Variants in PLGRKT observed in about 807,000 individuals in gnomAD.
PLGRKT encodes the protein plasminogen receptor with a C-terminal lysine.
PLGRKT carries 22 observed loss-of-function variants against 18.5 expected under a neutral mutation model. The ratio of observed to expected loss-of-function variants is 1.19; its 90% CI spans 0.85 to 1.70. PLGRKT has a LOEUF of 1.70. PLGRKT is among the 40% of genes most tolerant of loss of function. PLGRKT has a pLI of 0.00. For synonymous variants in PLGRKT, 72 were observed against 52.8 expected (o/e 1.36, Z -1.58); for missense variants, 235 against 174.4 (o/e 1.35, Z -1.96).
At chr9:5,392,809 T>C (rs913148429) in intron 3 of PLGRKT, among the ~76,000 whole-genome samples, 2 of 151,652 alleles carry the variant, frequency 1.3e-5, no homozygotes, top group African/African-American at 4.9e-5. Context: ...AATTTCCGGA[T>C]TGATTTTTAT....
chr9:5,431,328 G>A (rs1334700898), intron 3 of PLGRKT, among the ~76,000 whole-genome samples: 1 of 152,128 alleles, frequency 6.6e-6, no homozygotes, highest in African/African-American at 2.4e-5. Flanking sequence ...GAGGCCAGGA[G>A]TTCGAGACCA....
At chr9:5,377,603 T>C (rs1817654638) in intron 3 of PLGRKT, among the ~76,000 whole-genome samples, 1 of 152,212 alleles carries the variant, frequency 6.6e-6, no homozygotes, top group Admixed American at 6.5e-5. Context: ...ATCAAAATGA[T>C]GGTAAAACCT....
chr9:5,405,988 G>A (rs986250914), intron 3 of PLGRKT, among the ~76,000 whole-genome samples: 80 of 152,154 alleles, frequency 5.3e-4, no homozygotes, highest in African/African-American at 1.8e-3. Flanking sequence ...CATACATGCC[G>A]CCAACAAACA....
chr9:5,411,115 G>C (rs1429564922), intron 3 of PLGRKT, among the ~76,000 whole-genome samples: 1 of 152,098 alleles, frequency 6.6e-6, no homozygotes, highest in Non-Finnish European at 1.5e-5. Context: ...CAGTTGCGGT[G>C]ACTCACGCCT....
At chr9:5,422,961 G>C (rs955377442) in intron 3 of PLGRKT, among the ~76,000 whole-genome samples, 1 of 152,000 alleles carries the variant, frequency 6.6e-6, no homozygotes, top group Non-Finnish European at 1.5e-5. Flanking sequence ...CGAAACACCT[G>C]GCTGACTTAT....
In PLGRKT at chr9:5,379,670, A is replaced by G. The variant is rs576317481; in HGVS notation, c.82-17782T>C. On this transcript the variant is annotated intron_variant, in intron 3 of 5. Transcript: ENST00000223864. ...AAGAATAAATACAAATAAAAAATAC[A>G]TTATGAAAAATGTTGAACTTCATTT... Among the ~76,000 whole-genome samples the G allele has an allele frequency of 2.0e-5, 3 of 152,372 alleles. No individual in the cohort carries two copies. In the South Asian group the frequency reaches 6.2e-4, roughly 32 times the overall value.
Position 5,384,240 on chromosome 9 carries a change from T to A in PLGRKT, c.82-22352A>T, listed in dbSNP as rs147373285. 2.1e-4 allele frequency among the ~76,000 whole-genome samples: 32 copies of A among 152,254 alleles called. No homozygotes were observed. The East Asian group carries it at 6.0e-3, about 28-fold the overall frequency. The stretch of plus-strand genomic sequence containing the variant: ...TCTACCCTGAAGAGTGGCAAGTATG[T>A]GAGCCACTGGGAAAGGAAACTGAGA... On this transcript the variant is annotated intron_variant, in intron 3 of 5. Coordinates refer to ENST00000223864, the MANE Select transcript of PLGRKT (RefSeq NM_018465.4).
intron 3 of PLGRKT, among the ~76,000 whole-genome samples, chr9:5,389,714 G>T (rs1817911660): frequency 6.6e-6 from 1 of 151,860 alleles, no homozygotes; most frequent in East Asian, 1.9e-4. Context: ...CCCAAAATAA[G>T]TTCATGAAGA....
chr9:5,395,200 T>A (rs1454000716), intron 3 of PLGRKT, among the ~76,000 whole-genome samples: 1 of 151,824 alleles, frequency 6.6e-6, no homozygotes, highest in Admixed American at 6.6e-5. Context: ...TCAAGAGAAG[T>A]ATTCGACAAC....
intron 2 of PLGRKT, among the ~76,000 whole-genome samples, chr9:5,432,983 C>T (rs1006023735): frequency 6.6e-6 from 1 of 151,956 alleles, no homozygotes; most frequent in African/African-American, 2.4e-5. Flanking sequence ...AGCATCTCTG[C>T]CCGGCCGCCA....
At chr9:5,399,886 G>A (rs1476363493) in intron 3 of PLGRKT, among the ~76,000 whole-genome samples, 1 of 151,618 alleles carries the variant, frequency 6.6e-6, no homozygotes, top group African/African-American at 2.4e-5. Context: ...AGCTACTCAG[G>A]AAGCTGAGGA....
chr9:5,361,216 T>C (rs1822071457), intron 4 of PLGRKT, 29 bp from the exon 5 acceptor site: 1 of 1,302,130 alleles, frequency 7.7e-7, no homozygotes, highest in Admixed American at 1.9e-5. Flanking sequence ...GAAGAACCAA[T>C]ATCAAAAAAT....
intron 3 of PLGRKT, among the ~76,000 whole-genome samples, chr9:5,377,839 G>C (rs193174925): frequency 1.3e-5 from 2 of 152,234 alleles, no homozygotes; most frequent in East Asian, 1.9e-4. Context: ...TTTATTCTAG[G>C]GGATGGGGTC....
intron 3 of PLGRKT, among the ~76,000 whole-genome samples, chr9:5,363,956 G>T (rs1209933277): frequency 1.3e-5 from 2 of 152,152 alleles, no homozygotes; most frequent in Non-Finnish European, 1.5e-5. Flanking sequence ...ATTCATCCTT[G>T]CCACATTACT....
At chr9:5,433,380 G>A (rs71532931) in intron 2 of PLGRKT, among the ~76,000 whole-genome samples, 63 of 142,334 alleles carry the variant, frequency 4.4e-4, no homozygotes, top group African/African-American at 1.5e-3. Context: ...CTGCCTGACC[G>A]TCCACCGTCT....
At chr9:5,393,357 G>C (rs997338976) in intron 3 of PLGRKT, among the ~76,000 whole-genome samples, 11 of 151,524 alleles carry the variant, frequency 7.3e-5, no homozygotes, top group Non-Finnish European at 4.4e-5. Context: ...TACACCTCTT[G>C]GTGGTTTTTT....
intron 3 of PLGRKT, among the ~76,000 whole-genome samples, chr9:5,386,876 A>C (rs1179553442): frequency 6.6e-6 from 1 of 151,940 alleles, no homozygotes; most frequent in Non-Finnish European, 1.5e-5. Flanking sequence ...GAAACTGCTC[A>C]CCAGGTCTTG....
At chr9:5,428,512 G>A (rs139643801) in intron 3 of PLGRKT, among the ~76,000 whole-genome samples, 1,749 of 152,248 alleles carry the variant, frequency 0.011, 32 homozygotes, top group African/African-American at 0.04. Context: ...GGCTCTGAGT[G>A]GCCATTCTCT....
At chr9:5,411,726 T>C (rs1163514895) in intron 3 of PLGRKT, among the ~76,000 whole-genome samples, 1 of 152,256 alleles carries the variant, frequency 6.6e-6, no homozygotes, top group Admixed American at 6.5e-5. Context: ...TTCCAATTAC[T>C]GACAAGATAT....
Sources: allele counts gnomAD v4.1 joint callset (sites outside exome capture counted in the v4.1 genomes callset), GRCh38; gene constraint gnomAD v4.1.1; transcripts MANE v1.5; gene names NCBI Gene and HGNC (gene_info 2026-07-23, HGNC 2026-07-21).